FARSB: variants seen among roughly 807,000 people sequenced by gnomAD.
FARSB encodes phenylalanine--tRNA ligase beta subunit.
In FARSB, 40 loss-of-function variants were observed where a neutral mutation model predicts 69.6. The ratio of observed to expected loss-of-function variants is 0.57; its 90% CI spans 0.45 to 0.75. The LOEUF (loss-of-function observed/expected upper bound fraction) is 0.75, where lower values mean the gene tolerates loss of function less well. Ranked by LOEUF, FARSB falls within the 30% of genes least tolerant of loss-of-function variation. FARSB has a pLI of 0.00. For missense variants in FARSB, 632 were observed against 722.9 expected (o/e 0.87, Z 1.44); for synonymous variants, 235 against 247.2 (o/e 0.95, Z 0.46).
At chr2:222,635,351 G>A (rs73993718) in intron 5 of FARSB, among the ~76,000 whole-genome samples, 5,855 of 152,266 alleles carry the variant, frequency 0.038, 172 homozygotes, top group African/African-American at 0.08. Context: ...AAGTGTATGT[G>A]CACTAAATTA....
chr2:222,596,451 G>A (rs970015965), intron 16 of FARSB, among the ~76,000 whole-genome samples: 41 of 152,224 alleles, frequency 2.7e-4, no homozygotes, highest in African/African-American at 8.7e-4. Flanking sequence ...AAGTGCCGAC[G>A]TAACTGACAT....
chr2:222,605,729 G>T (rs1690688031), intron 15 of FARSB, among the ~76,000 whole-genome samples: 1 of 149,790 alleles, frequency 6.7e-6, no homozygotes, highest in Non-Finnish European at 1.5e-5. Context: ...ACCAGCCTGG[G>T]CAACAAAGTG....
At chr2:222,648,550 A>C (rs1452825053) in intron 2 of FARSB, among the ~76,000 whole-genome samples, 190 bp downstream of exon 2, 1 of 152,050 alleles carries the variant, frequency 6.6e-6, no homozygotes, top group Non-Finnish European at 1.5e-5. Context: ...TAAGGCATGA[A>C]CTCCTTTTGA....
At chr2:222,582,305 A>G (rs1689989134) in intron 16 of FARSB, among the ~76,000 whole-genome samples, 1 of 152,216 alleles carries the variant, frequency 6.6e-6, no homozygotes, top group Non-Finnish European at 1.5e-5. Context: ...TGTCAGGTAA[A>G]ACAAAGAAAG....
Position 222,571,991 on chromosome 2 carries a change from C to G in FARSB, c.1650G>C (p.Glu550Asp). The change falls in exon 17 of 17, where the codon GAG becomes GAC. Residue 550 changes from glutamate (E) to aspartate (D), a missense_variant. Transcript: ENST00000281828. Reference protein sequence around the residue: ...GPAFFPGRCAEIFARGQSVGK... With the variant: ...GPAFFPGRCADIFARGQSVGK... ...CGACGCTTTGACCCCTGGCAAAGAT[C>G]TCTGCACATCGCCCGGGGAAGAAAG... 6.2e-7 allele frequency: 1 copy of G among 1,613,862 alleles called. No homozygotes were observed. The highest frequency in any genetic ancestry group is 8.5e-7 in the Non-Finnish European group (1 of 1,179,912).
chr2:222,619,661 T>G lies in FARSB; in HGVS notation c.1328A>C (p.Lys443Thr), dbSNP rs756247269. Residue 443 changes from lysine (K) to threonine (T), a missense_variant, in exon 14 of 17, where the codon AAA (lysine) becomes ACA (threonine). Coordinates refer to ENST00000281828, the MANE Select transcript of FARSB (RefSeq NM_005687.5). ...AATTCTTACCTGAAATTCAGCTGTT[T>G]TAGGATTACTTATGTGGACTGCCTT... is the stretch of plus-strand genomic sequence containing the variant. ...ATKAVHISNP[K>T]TAEFQVARTT... 3.8e-6 allele frequency: 6 copies of G among 1,589,548 alleles called. No homozygotes were observed. The Admixed American group carries it at 1.0e-4, about 27-fold the overall frequency.
Position 222,641,247 on chromosome 2 carries a change from C to T in FARSB, c.270-316G>A, listed in dbSNP as rs537021711. Among the ~76,000 whole-genome samples, 149 of 152,294 alleles carry T rather than the reference C, an allele frequency of 9.8e-4. 1 individual carries two copies. Among genetic ancestry groups the T allele is most frequent in the Non-Finnish European group, 1.9e-3 (128 of 68,014 alleles). On this transcript the variant is annotated intron_variant, in intron 3 of 16. Transcript: ENST00000281828. ...GAGCATTTCAACATCAGCTGAGGGA[C>T]TGGATTAGATAACCTTTAAGTTATG...
Position 222,623,733 on chromosome 2 carries a change from G to GAAAAAAAAAGC in FARSB, c.1171-14_1171-4dup. The stretch of plus-strand genomic sequence containing the variant: ...TCAGTGAGCTTATTAAGAGGAAACT[G>GAAAAAAAAAGC]AAAAAAAAAGCATCCACTTGATTTC... On this transcript the variant is annotated splice_polypyrimidine_tract_variant and splice_region_variant and intron_variant, in intron 12 of 16. Transcript: ENST00000281828. 6.4e-7 allele frequency: 1 copy of GAAAAAAAAAGC among 1,557,458 alleles called. No individual in the cohort carries two copies. The highest frequency in any genetic ancestry group is 8.8e-7 in the Non-Finnish European group (1 of 1,141,958).
chr2:222,596,817 C>T (rs1434157917), intron 16 of FARSB, among the ~76,000 whole-genome samples: 1 of 151,966 alleles, frequency 6.6e-6, no homozygotes, highest in Admixed American at 6.5e-5. Context: ...ATTTTATATA[C>T]ACACACACAA....
chr2:222,620,984 T>C (rs373574861), intron 13 of FARSB, among the ~76,000 whole-genome samples: 1 of 152,322 alleles, frequency 6.6e-6, no homozygotes, highest in Non-Finnish European at 1.5e-5. Context: ...CTACAGCTGC[T>C]GAGATGGAGA....
At chr2:222,606,057 A>C (rs1007959763) in intron 15 of FARSB, among the ~76,000 whole-genome samples, 3 of 152,238 alleles carry the variant, frequency 2.0e-5, no homozygotes, top group Non-Finnish European at 4.4e-5. Flanking sequence ...CAATATTTTT[A>C]AGAAAAGCCT....
intron 16 of FARSB, among the ~76,000 whole-genome samples, chr2:222,598,830 A>G (rs1180082662): frequency 6.6e-6 from 1 of 152,090 alleles, no homozygotes; most frequent in Non-Finnish European, 1.5e-5. Context: ...GAACTCCAAA[A>G]TCCAGTTCTA....
At position 222,634,513 on chromosome 2, in the gene FARSB, G is replaced by T. The variant is rs1691525547; in HGVS notation, c.484C>A (p.His162Asn). 4 of 1,612,746 alleles carry T rather than the reference G, an allele frequency of 2.5e-6. No homozygotes were observed. Among genetic ancestry groups the T allele is most frequent in the Non-Finnish European group, 3.4e-6 (4 of 1,179,384 alleles). Residue 162 changes from histidine (H) to asparagine (N), a missense_variant, in exon 6 of 17, where the codon CAT (histidine) becomes AAT (asparagine). By Grantham distance (68) the His-to-Asn change is moderately conservative (BLOSUM62 1). Transcript: ENST00000281828. Reference protein sequence around the residue: ...RKRALVAIGTHDLDTLSGPFT... With the variant: ...RKRALVAIGTNDLDTLSGPFT... The stretch of plus-strand genomic sequence containing the variant: ...GGGCCCGACAAAGTGTCCAAATCAT[G>T]GGTACCAATGGCAACCAGTGCTCTT...
At chr2:222,616,226 G>C (rs954955928) in intron 14 of FARSB, among the ~76,000 whole-genome samples, 1 of 152,038 alleles carries the variant, frequency 6.6e-6, no homozygotes, top group African/African-American at 2.4e-5. Context: ...GATTAACAGA[G>C]ACATGAAAAG....
In FARSB at chr2:222,570,721, C is replaced by T. The variant is rs13414020; in HGVS notation, c.*1150G>A. ...TATTTTTAGTGGAGATGGCATTTCA[C>T]CATGTTGGTCAGGCTGATCTCGAAC... On this transcript the variant is annotated 3_prime_UTR_variant, in exon 17 of 17. Coordinates refer to ENST00000281828, the MANE Select transcript of FARSB (RefSeq NM_005687.5). 0.87 allele frequency: 132,854 copies of T among 152,042 alleles called. 58,177 individuals are homozygous for T. Among genetic ancestry groups the T allele is most frequent in the East Asian group, 0.97 (5,035 of 5,186 alleles). The allele number at this position is 152,042 out of a possible 1,614,324, so 9.4% of individuals were successfully genotyped here. A position where few individuals can be genotyped will look rare whatever the true frequency, so the allele number is the denominator to read the frequency against.
At position 222,630,159 on chromosome 2, in the gene FARSB, C is replaced by T; in HGVS notation, c.802G>A (p.Asp268Asn). 1 of 1,542,338 alleles carries T rather than the reference C, an allele frequency of 6.5e-7. No individual in the cohort carries two copies. Among genetic ancestry groups the T allele is most frequent in the Non-Finnish European group, 8.7e-7 (1 of 1,143,360 alleles). ...TDFTKAKIVLDIIVTMFSEYC... is the reference protein window; with the variant it reads ...TDFTKAKIVLNIIVTMFSEYC... Reference sequence around the variant, plus strand: ...TCACTGAACATGGTGACAATAATATCAAGAACTATTTTTGCCTGCAAAGAA... The same window carrying T: ...TCACTGAACATGGTGACAATAATATTAAGAACTATTTTTGCCTGCAAAGAA... The change falls in exon 9 of 17, where the codon GAT (aspartate) becomes AAT (asparagine). Residue 268 changes from aspartate (D) to asparagine (N), a missense_variant. Coordinates refer to ENST00000281828, the MANE Select transcript of FARSB (RefSeq NM_005687.5).
intron 15 of FARSB, among the ~76,000 whole-genome samples, chr2:222,609,809 G>A (rs1358365612): frequency 6.6e-6 from 1 of 152,120 alleles, no homozygotes; most frequent in African/African-American, 2.4e-5. Context: ...ATGAAAATAG[G>A]GCTAGGAGTC....
At chr2:222,595,273 T>C (rs1690381094) in intron 16 of FARSB, among the ~76,000 whole-genome samples, 1 of 152,188 alleles carries the variant, frequency 6.6e-6, no homozygotes, top group Non-Finnish European at 1.5e-5. Flanking sequence ...CAACAAGTTG[T>C]TCAATAGATA....
intron 13 of FARSB, among the ~76,000 whole-genome samples, chr2:222,622,046 G>A (rs1479039756): frequency 6.6e-6 from 1 of 152,154 alleles, no homozygotes; most frequent in Non-Finnish European, 1.5e-5. Context: ...GACAGGCATG[G>A]GCGGGAATCC....
Sources: allele counts gnomAD v4.1 joint callset (sites outside exome capture counted in the v4.1 genomes callset), GRCh38; gene constraint gnomAD v4.1.1; transcripts MANE v1.5; gene names NCBI Gene and HGNC (gene_info 2026-07-23, HGNC 2026-07-21).